Variants in EYS observed in about 807,000 individuals in gnomAD.
The protein encoded by EYS is EGF-like photoreceptor maintenance factor.
A neutral mutation model predicts 282.1 loss-of-function variants in EYS; 250 were observed. That is an observed-to-expected ratio of 0.89 (90% CI 0.80 to 0.98). EYS has a LOEUF of 0.98. EYS is among the 50% of genes least tolerant of loss of function. The probability of loss-of-function intolerance (pLI) is 0.00; values close to 1 mark genes in which losing one functional copy is unlikely to be tolerated. For synonymous variants in EYS, 1,355 were observed against 1,282.9 expected (o/e 1.06, Z -1.20); for missense variants, 4,016 against 3,709.0 (o/e 1.08, Z -2.15).
Position 65,032,062 on chromosome 6 carries a change from A to G in EYS, c.2137+25552T>C, listed in dbSNP as rs552268922. ...ATAACCACTGACCCCACAGATAAAA[A>G]CAAAAACAAACAAACAAACAAAAAC... On this transcript the variant is annotated intron_variant, in intron 13 of 42. Transcript: ENST00000503581. Among the ~76,000 whole-genome samples, 3 of 152,278 alleles carry G rather than the reference A, an allele frequency of 2.0e-5. No individual in the cohort carries two copies. The South Asian group carries it at 6.2e-4, about 32-fold the overall frequency.
At chr6:64,949,344 T>C (rs1042237913) in intron 14 of EYS, among the ~76,000 whole-genome samples, 7 of 151,948 alleles carry the variant, frequency 4.6e-5, no homozygotes, top group Admixed American at 3.3e-4. Context: ...GTTCAATGAT[T>C]GTAGCAGAAT....
intron 11 of EYS, among the ~76,000 whole-genome samples, chr6:65,318,797 A>C (rs1769387244): frequency 6.7e-6 from 1 of 150,174 alleles, no homozygotes; most frequent in Non-Finnish European, 1.5e-5. Context: ...ATGTGCCACC[A>C]TGCCTGGCTA....
intron 22 of EYS, among the ~76,000 whole-genome samples, chr6:64,797,395 G>T (rs1774389673): frequency 6.6e-6 from 1 of 151,984 alleles, no homozygotes; most frequent in African/African-American, 2.4e-5. Context: ...TGAACAGTTT[G>T]TTATCTAAAT....
intron 35 of EYS, among the ~76,000 whole-genome samples, chr6:63,953,843 C>A (rs915771689): frequency 1.3e-5 from 2 of 152,168 alleles, no homozygotes; most frequent in Non-Finnish European, 2.9e-5. Context: ...TGCCCTGTAG[C>A]CTTTCTGTCC....
chr6:64,096,353 CT>C (rs1265114638), intron 31 of EYS, among the ~76,000 whole-genome samples: 2 of 152,222 alleles, frequency 1.3e-5, no homozygotes, highest in African/African-American at 4.8e-5. Flanking sequence ...TGTTTTCCAA[CT>C]TGGTTCCATT....
chr6:65,468,846 C>T (rs1693799141), intron 5 of EYS, among the ~76,000 whole-genome samples: 1 of 152,014 alleles, frequency 6.6e-6, no homozygotes, highest in African/African-American at 2.4e-5. Flanking sequence ...TCATTCATTT[C>T]TGTGAAGGAT....
intron 11 of EYS, among the ~76,000 whole-genome samples, chr6:65,328,285 A>G (rs1769680185): frequency 1.3e-5 from 2 of 151,490 alleles, no homozygotes; most frequent in Admixed American, 1.3e-4. Flanking sequence ...CCTGAAAATT[A>G]CTGAGCTGAA....
At chr6:65,578,589 T>G (rs933726652) in intron 2 of EYS, among the ~76,000 whole-genome samples, 1 of 151,832 alleles carries the variant, frequency 6.6e-6, no homozygotes, top group Non-Finnish European at 1.5e-5. Flanking sequence ...GCAATAGATT[T>G]TGAAGTGTTC....
chr6:64,658,086 T>C (rs767236355), intron 22 of EYS, among the ~76,000 whole-genome samples: 19 of 152,152 alleles, frequency 1.2e-4, no homozygotes, highest in Non-Finnish European at 1.6e-4. Context: ...ACTTCTCTTC[T>C]TGCTTCATTT....
At chr6:65,189,929 G>A (rs1298624428) in intron 12 of EYS, among the ~76,000 whole-genome samples, 6 of 151,794 alleles carry the variant, frequency 4.0e-5, no homozygotes. Flanking sequence ...GCAGACCAAT[G>A]TAGAAAGAAA....
At chr6:65,419,549 GA>G (rs1309652810) in intron 5 of EYS, among the ~76,000 whole-genome samples, 1 of 151,678 alleles carries the variant, frequency 6.6e-6, no homozygotes, top group Non-Finnish European at 1.5e-5. Flanking sequence ...TTATGTTCTA[GA>G]ACAGCTCCAT....
intron 13 of EYS, among the ~76,000 whole-genome samples, chr6:65,003,258 G>A (rs1771525622): frequency 6.8e-6 from 1 of 147,136 alleles, no homozygotes; most frequent in African/African-American, 2.4e-5. Context: ...TGGCCCCCCT[G>A]GGCGTGGCCA....
intron 12 of EYS, among the ~76,000 whole-genome samples, chr6:65,065,947 T>G (rs748050013): frequency 1.5e-4 from 23 of 152,340 alleles, no homozygotes; most frequent in Non-Finnish European, 2.4e-4. Flanking sequence ...TATTTACAGA[T>G]ATCTACAACT....
chr6:65,399,045 T>C (rs771965634), intron 7 of EYS, among the ~76,000 whole-genome samples: 2 of 152,102 alleles, frequency 1.3e-5, no homozygotes, highest in Admixed American at 1.3e-4. Context: ...GCGAGTCATC[T>C]TGATGGCAGT....
rs572999282 is a variant in EYS at position 65,627,489 on chromosome 6, C to G, written c.-333+12289G>C. The stretch of plus-strand genomic sequence containing the variant: ...GAGCCCCTTTCTGGGCTGGCCAAGG[C>G]TGGAGCCCACTCCCTCAGCTTGCAG... On this transcript the variant is annotated intron_variant, in intron 2 of 42. Coordinates refer to ENST00000503581, the MANE Select transcript of EYS (RefSeq NM_001142800.2). 1.6e-3 allele frequency among the ~76,000 whole-genome samples: 243 copies of G among 152,266 alleles called. 1 individual carries two copies. Among genetic ancestry groups the G allele is most frequent in the South Asian group, 3.5e-3 (17 of 4,830 alleles).
intron 12 of EYS, among the ~76,000 whole-genome samples, chr6:65,168,626 C>T (rs1765032660): frequency 6.6e-6 from 1 of 151,166 alleles, no homozygotes; most frequent in Admixed American, 6.6e-5. Context: ...CCAATACCAT[C>T]ATCTTGGGGG....
intron 29 of EYS, among the ~76,000 whole-genome samples, chr6:64,386,477 G>A (rs367708580): frequency 1.3e-3 from 205 of 152,212 alleles, no homozygotes; most frequent in African/African-American, 4.7e-3. Context: ...ACTACCAGGA[G>A]AACAGTATGG....
chr6:65,589,098 A>G (rs899392638), intron 2 of EYS, among the ~76,000 whole-genome samples: 1 of 151,982 alleles, frequency 6.6e-6, no homozygotes. Flanking sequence ...TTAACTTCCA[A>G]AAGGAATAAT....
intron 35 of EYS, among the ~76,000 whole-genome samples, chr6:63,929,722 A>C (rs1764829849): frequency 6.6e-6 from 1 of 152,212 alleles, no homozygotes; most frequent in African/African-American, 2.4e-5. Context: ...AAAGACTCAT[A>C]ATGAAACATA....
Sources: gnomAD v4.1 joint callset for allele counts (sites outside exome capture counted in the v4.1 genomes callset) on GRCh38, gnomAD v4.1.1 for gene constraint, MANE v1.5 for transcripts, NCBI Gene and HGNC (gene_info 2026-07-23, HGNC 2026-07-21) for gene names.